CHD5: variants seen among roughly 807,000 people sequenced by gnomAD.
CHD5 encodes ATP-dependent chromatin remodeler CHD5.
In CHD5, 69 loss-of-function variants were observed where a neutral mutation model predicts 230.3. That is an observed-to-expected ratio of 0.30 (90% CI 0.25 to 0.37). The LOEUF is 0.37. Among genes scored for constraint, CHD5 ranks in the 10% least tolerant of loss-of-function variants. CHD5 has a pLI of 1.00. For synonymous variants in CHD5, 1,064 were observed against 1,065.9 expected, an observed-to-expected ratio of 1.00 and a Z score of 0.03; for missense variants, 1,827 against 2,622.8, an observed-to-expected ratio of 0.70 and a Z score of 6.63.
At chr1:6,161,581 T>C (rs1667178320) in intron 2 of CHD5, among the ~76,000 whole-genome samples, 1 of 152,194 alleles carries the variant, frequency 6.6e-6, no homozygotes, top group East Asian at 1.9e-4. Flanking sequence ...ACACAGCCAC[T>C]GGCTGGGAGC....
chr1:6,169,977 C>A (rs1667311388), intron 1 of CHD5, among the ~76,000 whole-genome samples: 1 of 152,108 alleles, frequency 6.6e-6, no homozygotes, highest in South Asian at 2.1e-4. Flanking sequence ...CAGTGGGACC[C>A]CGCGGAGGAC....
chr1:6,169,462 C>T (rs1667303658), intron 1 of CHD5, among the ~76,000 whole-genome samples: 1 of 152,260 alleles, frequency 6.6e-6, no homozygotes, highest in Admixed American at 6.5e-5. Context: ...CTCCCTCAAC[C>T]TCCAACCCAG....
Position 6,146,937 on chromosome 1 carries a change from A to G in CHD5, c.1384-66T>C. 3.2e-6 allele frequency: 4 copies of G among 1,251,790 alleles called. No homozygotes were observed. The highest frequency in any genetic ancestry group is 3.2e-6 in the Non-Finnish European group (3 of 923,748). The allele number at this position is 1,251,790 out of a possible 1,614,324, so 77.5% of individuals were successfully genotyped here. On this transcript the variant is annotated intron_variant, in intron 9 of 41. Coordinates refer to ENST00000262450, the MANE Select transcript of CHD5 (RefSeq NM_015557.3). This position sits in a 1 kb window ranked among gnomAD's most constrained non-coding sequence, Gnocchi z 5.1. The stretch of plus-strand genomic sequence containing the variant: ...AGGGCCCCACCCTGAGGCTCCCATG[A>G]CAGCAGGCTGCCATGCAGGCTCCCT...
chr1:6,174,942 T>C (rs1571176771), intron 1 of CHD5, among the ~76,000 whole-genome samples: 1 of 134,430 alleles, frequency 7.4e-6, no homozygotes, highest in South Asian at 2.4e-4. Flanking sequence ...GGATGGATGG[T>C]GGGTGGGTGG....
intron 18 of CHD5, 119 bp downstream of exon 18, chr1:6,135,111 G>T: frequency 8.2e-7 from 1 of 1,212,708 alleles, no homozygotes; most frequent in Non-Finnish European, 1.2e-6. Flanking sequence ...TGTATGCAAA[G>T]CATTAGCCGA....
At chr1:6,163,412 C>T (rs1667207782) in intron 2 of CHD5, among the ~76,000 whole-genome samples, 1 of 152,206 alleles carries the variant, frequency 6.6e-6, no homozygotes, top group Non-Finnish European at 1.5e-5. Flanking sequence ...CCCACCTGCA[C>T]CAGATATCAC....
chr1:6,148,112 C>T (rs1024350229), intron 9 of CHD5, among the ~76,000 whole-genome samples: 4 of 152,180 alleles, frequency 2.6e-5, no homozygotes, highest in Admixed American at 6.5e-5. Context: ...CACGGATGCA[C>T]GCACACACAT....
intron 2 of CHD5, among the ~76,000 whole-genome samples, chr1:6,161,123 G>A (rs933986523): frequency 6.6e-6 from 1 of 152,094 alleles, no homozygotes; most frequent in African/African-American, 2.4e-5. Context: ...AAGGAAAGAG[G>A]GAGGGAGGGA....
chr1:6,120,692 C>T (rs1361917837), intron 33 of CHD5, among the ~76,000 whole-genome samples: 2 of 152,076 alleles, frequency 1.3e-5, no homozygotes, highest in East Asian at 3.9e-4. Flanking sequence ...GTCCCAGCTA[C>T]AAGAGATCGA....
intron 1 of CHD5, among the ~76,000 whole-genome samples, chr1:6,179,464 C>T (rs936790275): frequency 6.6e-6 from 1 of 152,238 alleles, no homozygotes; most frequent in East Asian, 1.9e-4. Flanking sequence ...CGGTCCTCGC[C>T]CCTCTCTGGG....
Position 6,134,143 on chromosome 1 carries a change from C to T in CHD5, c.3129G>A (p.Val1043=), listed in dbSNP as rs1178403770. 6.2e-7 allele frequency: 1 copy of T among 1,613,206 alleles called. No individual in the cohort carries two copies. Among genetic ancestry groups the T allele is most frequent in the Non-Finnish European group, 8.5e-7 (1 of 1,179,946 alleles). ...GGCAGCGCACCTGGGAGAAGATGAG[C>T]ACACGGTGCCCCTCATCCCGCAGTT... is the stretch of plus-strand genomic sequence containing the variant. ...LKKLRDEGHR[V]LIFSQMTKML... is the part of the protein sequence containing the mutation. Residue 1043 remains valine (V), a synonymous_variant, in exon 20 of 42, where the codon GTG becomes GTA. Coordinates refer to ENST00000262450, the MANE Select transcript of CHD5 (RefSeq NM_015557.3). The surrounding 1 kb of genome is among the most constrained non-coding windows in gnomAD (Gnocchi z 6.3).
At position 6,110,430 on chromosome 1, in the gene CHD5, C is replaced by T. The variant is rs769707785; in HGVS notation, c.5346G>A (p.Leu1782=). 64 of 1,613,950 alleles carry T rather than the reference C, an allele frequency of 4.0e-5. No homozygotes were observed. Among genetic ancestry groups the T allele is most frequent in the Non-Finnish European group, 5.2e-5 (61 of 1,180,040 alleles). Reference sequence around the variant, plus strand: ...GGGCCAGGAACTTGTTCTTCATCTCCAGGTAGTTGCCCTTGTGGACCTCAG... The same window carrying T: ...GGGCCAGGAACTTGTTCTTCATCTCTAGGTAGTTGCCCTTGTGGACCTCAG... The part of the protein sequence containing the change: ...FKSEVHKGNY[L]EMKNKFLARR... Residue 1782 remains leucine, a synonymous_variant, in exon 37 of 42, where the codon CTG becomes CTA. Coordinates refer to ENST00000262450, the MANE Select transcript of CHD5 (RefSeq NM_015557.3).
chr1:6,127,647 GCTTGCACTT>G (rs1233493871), intron 25 of CHD5, among the ~76,000 whole-genome samples: 1 of 152,304 alleles, frequency 6.6e-6, no homozygotes, highest in African/African-American at 2.4e-5. Flanking sequence ...TGGCAGATCA[GCTTGCACTT>G]CAGAGAGTGG....
chr1:6,134,104 C>A lies in CHD5; in HGVS notation c.3144+24G>T, dbSNP rs541722017. 5.8e-6 allele frequency: 6 copies of A among 1,039,746 alleles called. No homozygotes were observed. Among genetic ancestry groups the A allele is most frequent in the South Asian group, 5.0e-5 (4 of 80,070 alleles). 64.4% of individuals were successfully genotyped at this position (1,039,746 alleles called of 1,614,324 possible). ...CTCTCTGTGGGGTGTGGAGCCGGGG[C>A]GGGGGTGGGCAGGGGCAGCGCACCT... On this transcript the variant is annotated intron_variant, in intron 20 of 41. Coordinates refer to ENST00000262450, the MANE Select transcript of CHD5 (RefSeq NM_015557.3). This position sits in a 1 kb window ranked among gnomAD's most constrained non-coding sequence, Gnocchi z 6.3.
chr1:6,120,972 C>T (rs1571143941), intron 33 of CHD5, 133 bp downstream of exon 33: 4 of 1,060,300 alleles, frequency 3.8e-6, no homozygotes, highest in Non-Finnish European at 5.1e-6. Context: ...CACCAGGGGG[C>T]CTGCAGAGGG....
At position 6,149,353 on chromosome 1, in the gene CHD5, C is replaced by G. The variant is rs558877285; in HGVS notation, c.1054G>C (p.Gly352Arg). The G allele has an allele frequency of 6.2e-7, 1 of 1,613,508 alleles. No individual in the cohort carries two copies. The highest frequency in any genetic ancestry group is 1.7e-5 in the Admixed American group (1 of 59,936). ...GTGTCGCACAGGATGATCTCCCCACCCTGCTGGCACACCTCACAGTAATCC... is the reference window on the plus strand; with the variant it reads ...GTGTCGCACAGGATGATCTCCCCACGCTGCTGGCACACCTCACAGTAATCC... ...HQDYCEVCQQ[G>R]GEIILCDTCP... Residue 352 changes from glycine (G) to arginine (R), a missense_variant, in exon 8 of 42, where the codon GGT becomes CGT. Gly to Arg is a moderately radical substitution (Grantham distance 125). This residue lies in a region of CHD5 where 657 missense variants were observed against 816.4 expected (regional missense o/e 0.80). Coordinates refer to ENST00000262450, the MANE Select transcript of CHD5 (RefSeq NM_015557.3).
chr1:6,151,949 G>A (rs1667014750), intron 6 of CHD5, among the ~76,000 whole-genome samples: 1 of 152,180 alleles, frequency 6.6e-6, no homozygotes, highest in Admixed American at 6.5e-5. Flanking sequence ...GAGGACAGGA[G>A]GAGGTAACTG....
chr1:6,113,557 C>T, intron 33 of CHD5: 1 of 243,696 alleles, frequency 4.1e-6, no homozygotes, highest in Non-Finnish European at 8.4e-6. Context: ...TGATGAGACA[C>T]CAGGAAGAAG....
At chr1:6,162,103 T>G (rs922314141) in intron 2 of CHD5, among the ~76,000 whole-genome samples, 2 of 152,130 alleles carry the variant, frequency 1.3e-5, no homozygotes, top group Non-Finnish European at 2.9e-5. Flanking sequence ...GCCTTGAGGC[T>G]GGGCGCGGTG....
Sources: gnomAD v4.1 joint callset for allele counts (sites outside exome capture counted in the v4.1 genomes callset) on GRCh38, gnomAD v4.1.1 for gene constraint, gnomAD v4.1.1 regional missense constraint, Gnocchi (gnomAD v3.1) non-coding constraint, MANE v1.5 for transcripts, NCBI Gene and HGNC (gene_info 2026-07-23, HGNC 2026-07-21) for gene names.